ZC3H12B: variants seen among roughly 807,000 people sequenced by gnomAD.
ZC3H12B encodes the protein zinc finger CCCH-type containing 12B, also known as probable ribonuclease ZC3H12B.
A neutral mutation model predicts 43.9 loss-of-function variants in ZC3H12B; 7 were observed. That is an observed-to-expected ratio of 0.16 (90% CI 0.09 to 0.30). The LOEUF (loss-of-function observed/expected upper bound fraction) is 0.30, where lower values mean the gene tolerates loss of function less well. Ranked by LOEUF, ZC3H12B falls within the 10% of genes least tolerant of loss-of-function variation. The pLI is 1.00. For synonymous variants in ZC3H12B, 222 were observed against 241.7 expected (o/e 0.92, Z 0.76); for missense variants, 475 against 670.2 (o/e 0.71, Z 3.22).
chrX:65,119,674 G>A, the ZC3H12B span, among the ~76,000 whole-genome samples: 1 of 111,279 alleles, frequency 9.0e-6, no homozygotes, highest in African/African-American at 3.3e-5. Context: ...GTCAATTTTG[G>A]CTTCTGTTGC....
the ZC3H12B span, among the ~76,000 whole-genome samples, chrX:65,281,255 C>G: frequency 5.3e-5 from 5 of 94,673 alleles, no homozygotes; most frequent in African/African-American, 2.0e-4. Context: ...TTTTTTGAGT[C>G]AGAGTCTTGC....
chrX:65,477,233 C>T (rs1347113490), intron 3 of ZC3H12B, among the ~76,000 whole-genome samples: 1 of 109,305 alleles, frequency 9.1e-6, no homozygotes, highest in African/African-American at 3.3e-5. Flanking sequence ...CTAGGGGATC[C>T]AAGGCAGGGT....
the ZC3H12B span, among the ~76,000 whole-genome samples, chrX:65,244,411 A>G: frequency 2.7e-5 from 3 of 110,634 alleles, no homozygotes; most frequent in African/African-American, 9.9e-5. Flanking sequence ...AATGGATCCA[A>G]TAGACTTGCT....
At chrX:65,233,816 A>C in the ZC3H12B span, among the ~76,000 whole-genome samples, 2 of 111,440 alleles carry the variant, frequency 1.8e-5, no homozygotes, top group Admixed American at 1.9e-4. Context: ...AAAGATAAAC[A>C]AATTGATAAA....
At chrX:65,272,555 G>C in the ZC3H12B span, 1 of 111,693 alleles carries the variant, frequency 9.0e-6, no homozygotes, top group Non-Finnish European at 1.9e-5. Context: ...TGCAGGCCCT[G>C]GAAAAGCAGT....
At chrX:65,257,055 G>A in the ZC3H12B span, among the ~76,000 whole-genome samples, 1 of 111,983 alleles carries the variant, frequency 8.9e-6, no homozygotes, top group Non-Finnish European at 1.9e-5. Context: ...TGATTCCTCA[G>A]GGATCTAGAA....
the ZC3H12B span, among the ~76,000 whole-genome samples, chrX:65,087,297 G>T: frequency 1.8e-5 from 2 of 111,487 alleles, no homozygotes; most frequent in African/African-American, 6.5e-5. Context: ...TCTTGCTTTT[G>T]CTTTATTCCA....
chrX:65,138,292 G>A, the ZC3H12B span, among the ~76,000 whole-genome samples: 745 of 111,415 alleles, frequency 6.7e-3, 9 homozygotes, highest in African/African-American at 0.023. Flanking sequence ...CTAATTTTAT[G>A]AGTTCAACTT....
chrX:65,118,577 C>G, the ZC3H12B span, among the ~76,000 whole-genome samples: 252 of 111,115 alleles, frequency 2.3e-3, 2 homozygotes, highest in African/African-American at 7.6e-3. Flanking sequence ...CTGATTGCCT[C>G]GTCCAGAACT....
the ZC3H12B span, among the ~76,000 whole-genome samples, chrX:65,346,973 C>G: frequency 1.8e-5 from 2 of 112,161 alleles, no homozygotes; most frequent in African/African-American, 6.5e-5. Flanking sequence ...ACTGCCTCCT[C>G]AAGTGGGTAC....
chrX:65,345,574 G>A, the ZC3H12B span, among the ~76,000 whole-genome samples: 3 of 110,974 alleles, frequency 2.7e-5, no homozygotes, highest in Non-Finnish European at 3.8e-5. Context: ...GAGAAGATCA[G>A]GAAAAATAAC....
At chrX:65,444,915 C>T (rs930673448) in intron 3 of ZC3H12B, among the ~76,000 whole-genome samples, 1 of 111,838 alleles carries the variant, frequency 8.9e-6, no homozygotes, top group African/African-American at 3.3e-5. Flanking sequence ...TTTATCTCCC[C>T]TGACTGTGTA....
chrX:65,258,767 CCAA>C, the ZC3H12B span, among the ~76,000 whole-genome samples: 2 of 111,583 alleles, frequency 1.8e-5, no homozygotes, highest in Non-Finnish European at 3.8e-5. Context: ...TTCCTATACA[CCAA>C]CAATATGCAA....
At chrX:65,468,356 G>A (rs1428155509) in intron 3 of ZC3H12B, among the ~76,000 whole-genome samples, 6 of 111,593 alleles carry the variant, frequency 5.4e-5, no homozygotes, top group Non-Finnish European at 1.1e-4. Context: ...GATTACTATA[G>A]CCTTGTAGAG....
At chrX:65,425,412 A>G (rs1187775913) in intron 3 of ZC3H12B, among the ~76,000 whole-genome samples, 1 of 111,447 alleles carries the variant, frequency 9.0e-6, no homozygotes, top group Non-Finnish European at 1.9e-5. Flanking sequence ...TCATCTGCAA[A>G]CAAAGACAAT....
chrX:65,121,700 T>C, the ZC3H12B span, among the ~76,000 whole-genome samples: 1 of 111,508 alleles, frequency 9.0e-6, no homozygotes, highest in African/African-American at 3.3e-5. Context: ...AGCTTTTGAA[T>C]GTGTTTGCTC....
chrX:65,382,667 G>A (rs952820816), intron 2 of ZC3H12B, among the ~76,000 whole-genome samples: 8 of 111,165 alleles, frequency 7.2e-5, no homozygotes, highest in African/African-American at 2.0e-4. Flanking sequence ...CAAATTGTCC[G>A]TGTTTGCAGA....
chrX:65,480,564 G>T lies in ZC3H12B; in HGVS notation n.408-8082G>T, dbSNP rs775424462. 7.8e-4 allele frequency among the ~76,000 whole-genome samples: 87 copies of T among 112,027 alleles called. No individual in the cohort carries two copies. In the South Asian group the frequency reaches 0.03, roughly 39 times the overall value. ...CCAGAGGCTATAAGAGTACAAGAAT[G>T]GGCCAGACGCAGTGGCTCACGCCAG... On this transcript the variant is annotated intron_variant and non_coding_transcript_variant, in intron 3 of 5. Transcript: ENST00000617377.
At chrX:65,429,341 A>C (rs2067121847) in intron 3 of ZC3H12B, among the ~76,000 whole-genome samples, 1 of 112,496 alleles carries the variant, frequency 8.9e-6, no homozygotes, top group African/African-American at 3.2e-5. Context: ...CAGGGCCCAC[A>C]GGCTAGATTG....
Sources: allele counts gnomAD v4.1 joint callset (sites outside exome capture counted in the v4.1 genomes callset), GRCh38; gene constraint gnomAD v4.1.1; transcripts MANE v1.5; gene names NCBI Gene and HGNC (gene_info 2026-07-23, HGNC 2026-07-21).